Variants in GRID2 observed in about 807,000 individuals in gnomAD.
GRID2 encodes the protein glutamate receptor ionotropic, delta-2.
A neutral mutation model predicts 114.8 loss-of-function variants in GRID2; 33 were observed. The ratio of observed to expected loss-of-function variants is 0.29; its 90% CI spans 0.22 to 0.38. GRID2 has a LOEUF of 0.38. Among genes scored for constraint, GRID2 ranks in the 10% least tolerant of loss-of-function variants. The pLI, the probability that GRID2 is intolerant of heterozygous loss-of-function variation, is 1.00. For missense variants in GRID2, 1,184 were observed against 1,257.7 expected (o/e 0.94, Z 0.89); for synonymous variants, 505 against 449.9 (o/e 1.12, Z -1.55).
At chr4:93,753,213 G>A (rs1299143665) in intron 14 of GRID2, among the ~76,000 whole-genome samples, 1 of 152,170 alleles carries the variant, frequency 6.6e-6, no homozygotes, top group Non-Finnish European at 1.5e-5. Context: ...AGAAGCTTAA[G>A]AACTCTACCC....
chr4:93,267,166 C>CT (rs34529462), intron 8 of GRID2, among the ~76,000 whole-genome samples: 94,127 of 142,902 alleles, frequency 0.66, 31,009 homozygotes, highest in Middle Eastern at 0.8. Context: ...ACACACATTT[C>CT]TTTTTTTTTT....
rs1220998548 is a variant in GRID2, at chr4:93,224,723, A to G, written c.1073A>G (p.Lys358Arg). ...HSMASLSCIRKNSKPWQGGRS... is the reference protein window; with the variant it reads ...HSMASLSCIRRNSKPWQGGRS... ...ATGGCAAGTCTGTCATGTATCAGAA[A>G]GAACTCAAAGCCCTGGCAGGGTGGG... Residue 358 changes from lysine (K) to arginine (R), a missense_variant, in exon 7 of 16, where the codon AAG (lysine) becomes AGG (arginine). This residue lies in a region of GRID2 where 12 missense variants were observed against 31.3 expected (regional missense o/e 0.38). Transcript: ENST00000282020. 1 of 1,613,290 alleles carries G rather than the reference A, an allele frequency of 6.2e-7. No individual in the cohort carries two copies. Among genetic ancestry groups the G allele is most frequent in the Non-Finnish European group, 8.5e-7 (1 of 1,179,452 alleles).
downstream of GRID2, among the ~76,000 whole-genome samples, chr4:93,779,221 T>TA (rs398107667): frequency 5.9e-5 from 9 of 151,792 alleles, no homozygotes; most frequent in East Asian, 1.7e-3. Context: ...TTTTTTTTTT[T>TA]AATGAGTTTA....
chr4:93,039,131 T>C (rs560866582), intron 2 of GRID2, among the ~76,000 whole-genome samples: 128 of 152,212 alleles, frequency 8.4e-4, no homozygotes, highest in Non-Finnish European at 1.3e-3. Flanking sequence ...TGGAATACTA[T>C]GCAACTGTAA....
intron 10 of GRID2, among the ~76,000 whole-genome samples, chr4:93,434,680 T>C (rs563806444): frequency 2.2e-4 from 34 of 152,290 alleles, no homozygotes; most frequent in African/African-American, 7.7e-4. Flanking sequence ...CTTTCCACTC[T>C]TGACTGCCTT....
intron 1 of GRID2, among the ~76,000 whole-genome samples, chr4:92,321,833 G>A (rs1172576747): frequency 6.6e-6 from 1 of 152,116 alleles, no homozygotes; most frequent in African/African-American, 2.4e-5. Context: ...TTGATGTCAG[G>A]CTTATATGTT....
At chr4:92,314,807 A>G (rs1725882738) in intron 1 of GRID2, among the ~76,000 whole-genome samples, 1 of 152,130 alleles carries the variant, frequency 6.6e-6, no homozygotes, top group Non-Finnish European at 1.5e-5. Flanking sequence ...GAAAACCAAA[A>G]CACTTCAAGT....
At chr4:92,837,350 TTACC>T (rs973668362) in intron 2 of GRID2, among the ~76,000 whole-genome samples, 1 of 152,008 alleles carries the variant, frequency 6.6e-6, no homozygotes, top group African/African-American at 2.4e-5. Context: ...ATTTCTATGT[TTACC>T]CAAGAACAAG....
chr4:92,749,529 G>T (rs955536222), intron 2 of GRID2, among the ~76,000 whole-genome samples: 3 of 151,836 alleles, frequency 2.0e-5, no homozygotes, highest in Non-Finnish European at 4.4e-5. Context: ...TGGCCAAGAT[G>T]GTCTCCATCT....
chr4:93,294,278 C>T (rs1754055074), intron 8 of GRID2, among the ~76,000 whole-genome samples: 2 of 152,018 alleles, frequency 1.3e-5, no homozygotes, highest in African/African-American at 4.8e-5. Context: ...TTGAAATCAG[C>T]AGTGGAGGTG....
chr4:92,334,761 A>G (rs1727078514), intron 1 of GRID2, among the ~76,000 whole-genome samples: 1 of 152,192 alleles, frequency 6.6e-6, no homozygotes, highest in African/African-American at 2.4e-5. Flanking sequence ...GACACATTCA[A>G]ATCATAACAG....
At chr4:92,813,491 T>C (rs1217595036) in intron 2 of GRID2, among the ~76,000 whole-genome samples, 3 of 152,214 alleles carry the variant, frequency 2.0e-5, no homozygotes, top group Non-Finnish European at 4.4e-5. Flanking sequence ...TATACAAACA[T>C]TCAATTCATA....
intron 2 of GRID2, among the ~76,000 whole-genome samples, chr4:92,790,695 T>C (rs1456726091): frequency 2.0e-5 from 3 of 148,776 alleles, no homozygotes; most frequent in African/African-American, 7.4e-5. Context: ...TGGGATAACA[T>C]GCATGAGCTA....
At chr4:93,408,971 GC>G (rs1461874789) in intron 9 of GRID2, among the ~76,000 whole-genome samples, 2 of 152,130 alleles carry the variant, frequency 1.3e-5, no homozygotes, top group Admixed American at 6.5e-5. Context: ...CCTTAGATCA[GC>G]CAGGCCAGTG....
chr4:92,429,179 T>G (rs1339015881), intron 1 of GRID2, among the ~76,000 whole-genome samples: 1 of 152,184 alleles, frequency 6.6e-6, no homozygotes, highest in African/African-American at 2.4e-5. Context: ...GTGCATGAGA[T>G]ATTTCGATGC....
intron 14 of GRID2, among the ~76,000 whole-genome samples, chr4:93,644,807 A>G (rs1721959375): frequency 1.3e-5 from 2 of 152,184 alleles, no homozygotes; most frequent in South Asian, 4.1e-4. Context: ...GACTCAATTT[A>G]GGACAAGGGG....
intron 14 of GRID2, among the ~76,000 whole-genome samples, chr4:93,741,439 A>G (rs757723498): frequency 2.6e-5 from 4 of 152,062 alleles, no homozygotes; most frequent in Non-Finnish European, 4.4e-5. Flanking sequence ...TATGTTTATC[A>G]TAGCTTTGTT....
intron 1 of GRID2, among the ~76,000 whole-genome samples, chr4:93,796,093 C>T (rs1008188432): frequency 6.6e-6 from 1 of 152,066 alleles, no homozygotes; most frequent in African/African-American, 2.4e-5. Context: ...TTAAGGTTGC[C>T]CACAGCTCCC....
At chr4:92,521,353 C>A (rs2149140029) in intron 1 of GRID2, among the ~76,000 whole-genome samples, 1 of 151,758 alleles carries the variant, frequency 6.6e-6, no homozygotes, top group East Asian at 1.9e-4. Flanking sequence ...AACTAAAAAT[C>A]ATAAAAATAT....
Sources: allele counts gnomAD v4.1 joint callset (sites outside exome capture counted in the v4.1 genomes callset), GRCh38; gene constraint gnomAD v4.1.1; regional missense constraint gnomAD v4.1.1; transcripts MANE v1.5; gene names NCBI Gene and HGNC (gene_info 2026-07-23, HGNC 2026-07-21).